The following ZNF891 variants were observed in gnomAD, a reference collection of about 807,000 sequenced individuals.
ZNF891 encodes zinc finger protein 891, also known as hCG1646157.
For synonymous variants in ZNF891, 199 were observed against 209.0 expected (o/e 0.95, Z 0.41); for missense variants, 589 against 632.7 (o/e 0.93, Z 0.74).
rs1955663897 is a variant in ZNF891 at position 133,109,378 on chromosome 12, TTAA to T, written c.*10903_*10905del. On this transcript the variant is annotated 3_prime_UTR_variant, in exon 2 of 2. Coordinates refer to ENST00000537226, the MANE Select transcript of ZNF891 (RefSeq NM_001277291.2). Reference sequence around the variant, plus strand: ...GCACAAGAGTCCAAGGGATGCACTGTTAATGAGAATTTTAACCATATAGGTGGC... The same window carrying T: ...GCACAAGAGTCCAAGGGATGCACTGTTGAGAATTTTAACCATATAGGTGGC... 1 of 152,230 alleles carries T rather than the reference TTAA, an allele frequency of 6.6e-6. No individual in the cohort carries two copies. Among genetic ancestry groups the T allele is most frequent in the Non-Finnish European group, 1.5e-5 (1 of 68,052 alleles). 9.4% of individuals were successfully genotyped at this position (152,230 alleles called of 1,614,324 possible).
intron 1 of ZNF891, among the ~76,000 whole-genome samples, chr12:133,127,706 A>G (rs756760906): frequency 6.6e-6 from 1 of 152,224 alleles, no homozygotes; most frequent in Non-Finnish European, 1.5e-5. Context: ...TGAGATGAGG[A>G]AATTGATGAG....
Position 133,121,351 on chromosome 12 carries a change from C to T in ZNF891, c.568G>A (p.Asp190Asn), listed in dbSNP as rs1387380990. The T allele has an allele frequency of 6.5e-7, 1 of 1,535,948 alleles. No homozygotes were observed. The highest frequency in any genetic ancestry group is 8.7e-7 in the Non-Finnish European group (1 of 1,146,894). Residue 190 changes from aspartate to asparagine, a missense_variant, in exon 2 of 2, where the codon GAC becomes AAC. Asp to Asn is a conservative substitution (Grantham distance 23). Coordinates refer to ENST00000537226, the MANE Select transcript of ZNF891 (RefSeq NM_001277291.2). ...GAGTTTTCCTCTAATTCATGATAGTCACGGAATAGCTCCTGAGGTACTGTT... is the reference window on the plus strand; with the variant it reads ...GAGTTTTCCTCTAATTCATGATAGTTACGGAATAGCTCCTGAGGTACTGTT... Reference protein sequence around the residue: ...KKTVPQELFRDYHELEENSKL... With the variant: ...KKTVPQELFRNYHELEENSKL...
Position 133,104,816 on chromosome 12 carries a change from C to G in ZNF891, c.*15468G>C, listed in dbSNP as rs1171756230. 2.0e-5 allele frequency among the ~76,000 whole-genome samples: 3 copies of G among 152,134 alleles called. No individual in the cohort carries two copies. The highest frequency in any genetic ancestry group is 2.0e-4 in the Admixed American group (3 of 15,278). On this transcript the variant is annotated 3_prime_UTR_variant, in exon 2 of 2. Transcript: ENST00000537226. Reference sequence around the variant, plus strand: ...ACACTTTATTTTTCTGTCCAACTTTCATTTTAGGTTAAAGGTTACTCATGT... The same window carrying G: ...ACACTTTATTTTTCTGTCCAACTTTGATTTTAGGTTAAAGGTTACTCATGT...
rs761066357 is a variant in ZNF891 at position 133,120,335 on chromosome 12, GCT to G, written c.1582_1583del (p.Ser528LeufsTer12). On this transcript the variant is annotated frameshift_variant, in exon 2 of 2. Coordinates refer to ENST00000537226, the MANE Select transcript of ZNF891 (RefSeq NM_001277291.2). LOFTEE classifies it low-confidence loss of function (END_TRUNC). ...CIQCGKAFSQ[S>X]SSLIIHKRIH... The stretch of plus-strand genomic sequence containing the variant: ...TTCTCTTGTGTATAATAAGTGAAGA[GCT>G]CTGACTGAAGGCTTTTCCACATTGA... The G allele has an allele frequency of 3.2e-6, 5 of 1,568,130 alleles. No individual in the cohort carries two copies. The South Asian group carries it at 4.6e-5, about 14-fold the overall frequency.
rs1034226350 is a variant in ZNF891 at position 133,107,808 on chromosome 12, A to T, written c.*12476T>A. On this transcript the variant is annotated 3_prime_UTR_variant, in exon 2 of 2. Transcript: ENST00000537226. The stretch of plus-strand genomic sequence containing the variant: ...CACACCATCAGGGTTAGTTTGCCTT[A>T]ATCAGGAAGGTAAGCAATTTTATTT... The T allele has an allele frequency of 1.3e-5, 2 of 152,238 alleles. No homozygotes were observed. The highest frequency in any genetic ancestry group is 2.9e-5 in the Non-Finnish European group (2 of 68,040). The allele number at this position is 152,238 out of a possible 1,614,324, so 9.4% of individuals were successfully genotyped here. A position where few individuals can be genotyped will look rare whatever the true frequency, so the allele number is the denominator to read the frequency against.
rs1955715911 is a variant in ZNF891, at chr12:133,116,491, C to G, written c.*3793G>C. ...GAAACCACTTGGTTTCACAGCATGA[C>G]TGCAGGCTCTCCTTTCCAAGCTACA... On this transcript the variant is annotated 3_prime_UTR_variant, in exon 2 of 2. Coordinates refer to ENST00000537226, the MANE Select transcript of ZNF891 (RefSeq NM_001277291.2). The G allele has an allele frequency of 6.6e-6, 1 of 152,312 alleles. No homozygotes were observed. 9.4% of individuals were successfully genotyped at this position (152,312 alleles called of 1,614,324 possible).
intron 1 of ZNF891, among the ~76,000 whole-genome samples, chr12:133,127,125 G>A (rs1220709292): frequency 1.3e-5 from 2 of 151,606 alleles, no homozygotes; most frequent in African/African-American, 2.4e-5. Flanking sequence ...CACCACGCCC[G>A]GCTAATTTTC....
rs570279938 is a variant in ZNF891, at chr12:133,120,626, G to C, written c.1293C>G (p.Leu431=). The C allele has an allele frequency of 1.9e-6, 3 of 1,560,236 alleles. No individual in the cohort carries two copies. Among genetic ancestry groups the C allele is most frequent in the African/African-American group, 2.7e-5 (2 of 73,424 alleles). ...CTTTTCCACACTCACTGCATTCATA[G>C]AGTTTTTCTCCAGTGTGTATTCTCT... is the stretch of plus-strand genomic sequence containing the variant. The part of the protein sequence containing the change: ...VHKRIHTGEK[L]YECSECGKAF... The change falls in exon 2 of 2, where the codon CTC becomes CTG. Residue 431 remains leucine (L), a synonymous_variant. Transcript: ENST00000537226.
rs1955574481 is a variant in ZNF891, at chr12:133,105,927, A to G, written c.*14357T>C. On this transcript the variant is annotated 3_prime_UTR_variant, in exon 2 of 2. Transcript: ENST00000537226. Reference sequence around the variant, plus strand: ...ATGATACATACTGGAAAGAAACCCCATGAGTGTAAGGACTGTAATAAAACA... The same window carrying G: ...ATGATACATACTGGAAAGAAACCCCGTGAGTGTAAGGACTGTAATAAAACA... 1.9e-6 allele frequency: 3 copies of G among 1,614,180 alleles called. No individual in the cohort carries two copies. The highest frequency in any genetic ancestry group is 2.5e-6 in the Non-Finnish European group (3 of 1,180,024).
At position 133,120,082 on chromosome 12, in the gene ZNF891, A is replaced by T; in HGVS notation, c.*202T>A. Reference sequence around the variant, plus strand: ...CAACAATAAAAAGATAACTGAAAATATACCTACCTCACATATTAAAAATAC... The same window carrying T: ...CAACAATAAAAAGATAACTGAAAATTTACCTACCTCACATATTAAAAATAC... On this transcript the variant is annotated 3_prime_UTR_variant, in exon 2 of 2. Coordinates refer to ENST00000537226, the MANE Select transcript of ZNF891 (RefSeq NM_001277291.2). The T allele has an allele frequency of 2.2e-6, 1 of 457,210 alleles. No homozygotes were observed. Among genetic ancestry groups the T allele is most frequent in the East Asian group, 3.2e-5 (1 of 30,944 alleles). The allele number at this position is 457,210 out of a possible 1,614,324, so 28.3% of individuals were successfully genotyped here.
In ZNF891 at chr12:133,111,211, A is replaced by C. The variant is rs1349166394; in HGVS notation, c.*9073T>G. The C allele has an allele frequency of 1.3e-5, 2 of 152,162 alleles. No homozygotes were observed. Among genetic ancestry groups the C allele is most frequent in the Non-Finnish European group, 2.9e-5 (2 of 68,048 alleles). The allele number at this position is 152,162 out of a possible 1,614,324, so 9.4% of individuals were successfully genotyped here. On this transcript the variant is annotated 3_prime_UTR_variant, in exon 2 of 2. Transcript: ENST00000537226. ...TGGTATGTTAACAATTCTTTTAAGG[A>C]AACAAAACAAAAAAAAATAAATTAT...
rs61951772 is a variant in ZNF891 at position 133,108,920 on chromosome 12, T to G, written c.*11364A>C. 6.6e-6 allele frequency: 1 copy of G among 152,146 alleles called. No individual in the cohort carries two copies. Among genetic ancestry groups the G allele is most frequent in the Non-Finnish European group, 1.5e-5 (1 of 67,994 alleles). 9.4% of individuals were successfully genotyped at this position (152,146 alleles called of 1,614,324 possible). A position where few individuals can be genotyped will look rare whatever the true frequency, so the allele number is the denominator to read the frequency against. On this transcript the variant is annotated 3_prime_UTR_variant, in exon 2 of 2. Transcript: ENST00000537226. ...GTGTAGCAAAATCTTCTTAGATATC[T>G]GAAAAGTCATACTGGATGGAATCCA...
chr12:133,128,657 C>T (rs1955842327), intron 1 of ZNF891, among the ~76,000 whole-genome samples: 1 of 151,714 alleles, frequency 6.6e-6, no homozygotes, highest in South Asian at 2.1e-4. Flanking sequence ...CAAACAAAAA[C>T]AAAAATTAGC....
At chr12:133,124,830 G>A (rs1183808932) in intron 1 of ZNF891, among the ~76,000 whole-genome samples, 1 of 150,286 alleles carries the variant, frequency 6.7e-6, no homozygotes, top group Non-Finnish European at 1.5e-5. Context: ...ATGGGTGTGT[G>A]TGTTAACCAC....
At position 133,106,258 on chromosome 12, in the gene ZNF891, C is replaced by T. The variant is rs1292381914; in HGVS notation, c.*14026G>A. The T allele has an allele frequency of 1.9e-6, 3 of 1,614,028 alleles. No homozygotes were observed. The highest frequency in any genetic ancestry group is 3.3e-5 in the Admixed American group (2 of 59,994). On this transcript the variant is annotated 3_prime_UTR_variant, in exon 2 of 2. Transcript: ENST00000537226. ...ATCAGAGCATCCATACAACCAAAAC[C>T]CCGTATGAATGTAATGAATGTAGGA...
Position 133,111,990 on chromosome 12 carries a change from A to G in ZNF891, c.*8294T>C, listed in dbSNP as rs1206925376. The G allele has an allele frequency of 1.3e-5, 2 of 152,218 alleles. No individual in the cohort carries two copies. Among genetic ancestry groups the G allele is most frequent in the Non-Finnish European group, 2.9e-5 (2 of 68,036 alleles). The allele number at this position is 152,218 out of a possible 1,614,324, so 9.4% of individuals were successfully genotyped here. A position where few individuals can be genotyped will look rare whatever the true frequency, so the allele number is the denominator to read the frequency against. On this transcript the variant is annotated 3_prime_UTR_variant, in exon 2 of 2. Transcript: ENST00000537226. ...GATCTTTTTAAAACAAATAATTTCA[A>G]TCTCTGAAAAACTTAAATAGTTCCT...
rs1215504992 is a variant in ZNF891 at position 133,114,013 on chromosome 12, C to T, written c.*6271G>A. 6.6e-6 allele frequency: 1 copy of T among 152,138 alleles called. No individual in the cohort carries two copies. The highest frequency in any genetic ancestry group is 1.9e-4 in the East Asian group (1 of 5,192). 9.4% of individuals were successfully genotyped at this position (152,138 alleles called of 1,614,324 possible). A position where few individuals can be genotyped will look rare whatever the true frequency, so the allele number is the denominator to read the frequency against. ...GATTACAGATGTGAGCCACCACACC[C>T]ACCCAGTAAGTTTGTACTAATTTAC... is the stretch of plus-strand genomic sequence containing the variant. On this transcript the variant is annotated 3_prime_UTR_variant, in exon 2 of 2. Transcript: ENST00000537226.
intron 1 of ZNF891, among the ~76,000 whole-genome samples, chr12:133,125,186 A>G (rs114411349): frequency 0.22 from 32,758 of 151,920 alleles, 4,155 homozygotes; most frequent in Non-Finnish European, 0.29. Context: ...TATTTTTTAG[A>G]GACAGGGTGT....
At chr12:133,128,507 G>C (rs1291342563) in intron 1 of ZNF891, among the ~76,000 whole-genome samples, 2 of 152,130 alleles carry the variant, frequency 1.3e-5, no homozygotes, top group Non-Finnish European at 2.9e-5. Flanking sequence ...GGCAGTGTGC[G>C]CCTGTGATCC....
Sources: gnomAD v4.1 joint callset for allele counts (sites outside exome capture counted in the v4.1 genomes callset) on GRCh38, gnomAD v4.1.1 for gene constraint, MANE v1.5 for transcripts, NCBI Gene and HGNC (gene_info 2026-07-23, HGNC 2026-07-21) for gene names.